The following PLEKHH2 variants were observed in gnomAD, a reference collection of about 807,000 sequenced individuals.
PLEKHH2 encodes pleckstrin homology domain-containing family H member 2.
Under a neutral mutation model 187.9 loss-of-function variants are expected in PLEKHH2, and 129 were observed. That is an observed-to-expected ratio of 0.69 (90% CI 0.59 to 0.79). PLEKHH2 has a LOEUF of 0.79. Among genes scored for constraint, PLEKHH2 ranks in the 30% least tolerant of loss-of-function variants. The pLI, the probability that PLEKHH2 is intolerant of heterozygous loss-of-function variation, is 0.00. For synonymous variants in PLEKHH2, 686 were observed against 605.6 expected (o/e 1.13, Z -1.95); for missense variants, 2,076 against 1,751.2 (o/e 1.19, Z -3.31).
At chr2:43,678,057 C>T (rs1189856658) in intron 2 of PLEKHH2, among the ~76,000 whole-genome samples, 5 of 150,430 alleles carry the variant, frequency 3.3e-5, no homozygotes, top group Non-Finnish European at 5.9e-5. Context: ...AGAGACGCTC[C>T]TCACCTCCCA....
chr2:43,745,248 G>A (rs1021390529), intron 23 of PLEKHH2, among the ~76,000 whole-genome samples: 4 of 152,062 alleles, frequency 2.6e-5, no homozygotes, highest in African/African-American at 4.8e-5. Context: ...CCCAGGAGGC[G>A]GAGGTTGTAG....
chr2:43,653,867 T>C (rs1666608982), intron 2 of PLEKHH2, among the ~76,000 whole-genome samples: 1 of 152,248 alleles, frequency 6.6e-6, no homozygotes, highest in Non-Finnish European at 1.5e-5. Flanking sequence ...ACAGTTCTTT[T>C]ACATGGTTTT....
rs1031214817 is a variant in PLEKHH2 at position 43,741,314 on chromosome 2, A to G, written c.3221+271A>G. ...TGCATTTGCATTTCAAGTATGAATG[A>G]CTTAGCATTAGTGGGTGTTCATTCA... On this transcript the variant is annotated intron_variant, in intron 21 of 29. Coordinates refer to ENST00000282406, the MANE Select transcript of PLEKHH2 (RefSeq NM_172069.4). 8.0e-5 allele frequency: 19 copies of G among 237,960 alleles called. No homozygotes were observed. In the Admixed American group the frequency reaches 1.0e-3, roughly 13 times the overall value. The allele number at this position is 237,960 out of a possible 1,614,324, so 14.7% of individuals were successfully genotyped here. A position where few individuals can be genotyped will look rare whatever the true frequency, so the allele number is the denominator to read the frequency against.
intron 9 of PLEKHH2, among the ~76,000 whole-genome samples, chr2:43,704,784 T>C (rs934694728): frequency 9.9e-5 from 15 of 151,634 alleles, no homozygotes; most frequent in African/African-American, 3.6e-4. Context: ...AAGAACTTCC[T>C]AAATGTCTAA....
intron 7 of PLEKHH2, among the ~76,000 whole-genome samples, chr2:43,699,015 C>G (rs1669227349): frequency 6.6e-6 from 1 of 152,146 alleles, no homozygotes; most frequent in South Asian, 2.1e-4. Context: ...GTTTATTAAA[C>G]TATAGCTTTG....
In PLEKHH2 at chr2:43,757,206, G is replaced by A. The variant is rs1672246000; in HGVS notation, c.3883G>A (p.Val1295Ile). The A allele has an allele frequency of 1.2e-6, 2 of 1,603,252 alleles. No homozygotes were observed. The change falls in exon 26 of 30, where the codon GTC becomes ATC. Residue 1295 changes from valine to isoleucine, a missense_variant. Transcript: ENST00000282406. ...QCKVNQTLKQVIEKFYPKRYR... is the reference protein window; with the variant it reads ...QCKVNQTLKQIIEKFYPKRYR... ...CAAAGTGAATCAAACTCTAAAGCAA[G>A]TCATAGAGAAATTTTATCCTAAAAG...
chr2:43,715,283 GA>G (rs1670160837), intron 15 of PLEKHH2, among the ~76,000 whole-genome samples: 2 of 149,356 alleles, frequency 1.3e-5, no homozygotes, highest in Non-Finnish European at 3.0e-5. Flanking sequence ...TAAAAAAAAA[GA>G]AAAAAAGAAA....
chr2:43,713,545 T>G (rs1670067865), intron 15 of PLEKHH2, among the ~76,000 whole-genome samples: 1 of 152,024 alleles, frequency 6.6e-6, no homozygotes, highest in Middle Eastern at 3.2e-3. Flanking sequence ...ATAAGTAGAG[T>G]GCAGTATTAC....
intron 27 of PLEKHH2, 22 bp from the exon 28 acceptor site, chr2:43,762,281 AG>A: frequency 9.8e-6 from 15 of 1,526,578 alleles, no homozygotes; most frequent in Non-Finnish European, 1.4e-5. Flanking sequence ...TTTATAATAT[AG>A]TGTATTTTCA....
At chr2:43,745,777 T>C (rs557215414) in intron 23 of PLEKHH2, 89 bp from the exon 24 acceptor site, 17 of 898,686 alleles carry the variant, frequency 1.9e-5, no homozygotes, top group Admixed American at 5.2e-5. Context: ...ATCATATTAA[T>C]TGAAAAATTT....
chr2:43,683,002 T>A (rs566048987), intron 3 of PLEKHH2, among the ~76,000 whole-genome samples: 1 of 152,162 alleles, frequency 6.6e-6, no homozygotes, highest in East Asian at 1.9e-4. Context: ...CATTGTCTTT[T>A]TATGGACTTT....
At chr2:43,645,888 G>C (rs1558407532) in intron 2 of PLEKHH2, among the ~76,000 whole-genome samples, 1 of 152,032 alleles carries the variant, frequency 6.6e-6, no homozygotes, top group African/African-American at 2.4e-5. Context: ...AATCCTTTTG[G>C]GATGGAGATT....
In PLEKHH2 at chr2:43,700,456, T is replaced by G. The variant is rs1369820856; in HGVS notation, c.1498T>G (p.Leu500Val). ...AGTTGATGGAGACAGTACAGAAGTT[T>G]TAGAGAATATGGACACGAGTTGTGA... The part of the protein sequence containing the change: ...DLVDGDSTEV[L>V]ENMDTSCDDG... The change falls in exon 8 of 30, where the codon TTA (leucine) becomes GTA (valine). Residue 500 changes from leucine to valine, a missense_variant. By Grantham distance (32) the Leu-to-Val change is conservative. Coordinates refer to ENST00000282406, the MANE Select transcript of PLEKHH2 (RefSeq NM_172069.4). 21 of 1,613,930 alleles carry G rather than the reference T, an allele frequency of 1.3e-5. No homozygotes were observed. Among genetic ancestry groups the G allele is most frequent in the Non-Finnish European group, 1.7e-5 (20 of 1,180,022 alleles).
rs1312361746 is a variant in PLEKHH2, at chr2:43,724,623, A to G, written c.2542-1649A>G. ...ATGGTATTGTTTTGTGATATATAACAAAGAGCCTTGGAATGCTCCTCCTTT... is the reference window on the plus strand; with the variant it reads ...ATGGTATTGTTTTGTGATATATAACGAAGAGCCTTGGAATGCTCCTCCTTT... On this transcript the variant is annotated intron_variant, in intron 16 of 29. Coordinates refer to ENST00000282406, the MANE Select transcript of PLEKHH2 (RefSeq NM_172069.4). Among the ~76,000 whole-genome samples the G allele has an allele frequency of 2.0e-5, 3 of 152,224 alleles. No individual in the cohort carries two copies. In the South Asian group the frequency reaches 6.2e-4, roughly 32 times the overall value.
At position 43,644,677 on chromosome 2, in the gene PLEKHH2, G is replaced by T. The variant is rs1431555077; in HGVS notation, c.4G>T (p.Ala2Ser). 3.2e-6 allele frequency: 5 copies of T among 1,576,634 alleles called. No homozygotes were observed. Among genetic ancestry groups the T allele is most frequent in the Non-Finnish European group, 4.3e-6 (5 of 1,159,968 alleles). Residue 2 changes from alanine to serine, a missense_variant, in exon 2 of 30, where the codon GCA becomes TCA. Coordinates refer to ENST00000282406, the MANE Select transcript of PLEKHH2 (RefSeq NM_172069.4). M[A>S]ELSEPEGPVD... ...ATTTATTTAATTTTTTTAGAATATG[G>T]CAGAGCTTTCTGAGCCAGAGGGACC...
intron 24 of PLEKHH2, among the ~76,000 whole-genome samples, chr2:43,753,021 G>A (rs1030876510): frequency 6.6e-6 from 1 of 152,130 alleles, no homozygotes; most frequent in African/African-American, 2.4e-5. Flanking sequence ...TTGATTTGGG[G>A]GTAGTTTTGA....
At position 43,708,135 on chromosome 2, in the gene PLEKHH2, C is replaced by T. The variant is rs147119065; in HGVS notation, c.1966+590C>T. The stretch of plus-strand genomic sequence containing the variant: ...AACCTCTGGATACTTCCAATCCCCT[C>T]GGCTTCAACTGGAGCTGCTCAGCCT... On this transcript the variant is annotated intron_variant, in intron 11 of 29. Coordinates refer to ENST00000282406, the MANE Select transcript of PLEKHH2 (RefSeq NM_172069.4). 8.1e-3 allele frequency among the ~76,000 whole-genome samples: 1,234 copies of T among 152,300 alleles called. 17 individuals are homozygous for T. Among genetic ancestry groups the T allele is most frequent in the African/African-American group, 0.028 (1,172 of 41,550 alleles).
chr2:43,727,940 G>A (rs990005981), intron 17 of PLEKHH2, among the ~76,000 whole-genome samples: 3 of 152,116 alleles, frequency 2.0e-5, no homozygotes, highest in African/African-American at 4.8e-5. Flanking sequence ...GAATGCTTAC[G>A]CTCATCTGTA....
chr2:43,703,975 C>T lies in PLEKHH2; in HGVS notation c.1651-6C>T. ...TACCCTGTTCAAACTCTCTCTTTTA[C>T]CCTAGGAAAGCAGAATTTATGCTGT... On this transcript the variant is annotated splice_region_variant and splice_polypyrimidine_tract_variant and intron_variant, in intron 8 of 29. Coordinates refer to ENST00000282406, the MANE Select transcript of PLEKHH2 (RefSeq NM_172069.4). 1.6e-6 allele frequency: 2 copies of T among 1,231,502 alleles called. No individual in the cohort carries two copies. The highest frequency in any genetic ancestry group is 2.2e-6 in the Non-Finnish European group (2 of 889,796). 76.3% of individuals were successfully genotyped at this position (1,231,502 alleles called of 1,614,324 possible).
Sources: allele counts gnomAD v4.1 joint callset (sites outside exome capture counted in the v4.1 genomes callset), GRCh38; gene constraint gnomAD v4.1.1; transcripts MANE v1.5; gene names NCBI Gene and HGNC (gene_info 2026-07-23, HGNC 2026-07-21).